The following GRM7 variants were observed in gnomAD, a reference collection of about 807,000 sequenced individuals.
The protein encoded by GRM7 is glutamate metabotropic receptor 7, also known as metabotropic glutamate receptor 7.
GRM7 carries 35 observed loss-of-function variants against 84.5 expected under a neutral mutation model. The ratio of observed to expected loss-of-function variants is 0.41; its 90% CI spans 0.32 to 0.55. The LOEUF is 0.55. Ranked by LOEUF, GRM7 falls within the 20% of genes least tolerant of loss-of-function variation. The pLI, the probability that GRM7 is intolerant of heterozygous loss-of-function variation, is 0.19. For missense variants in GRM7, 1,003 were observed against 1,194.6 expected (o/e 0.84, Z 2.36); for synonymous variants, 487 against 455.1 (o/e 1.07, Z -0.89).
chr3:7,322,761 T>C (rs1483176479), intron 4 of GRM7, among the ~76,000 whole-genome samples: 4 of 152,136 alleles, frequency 2.6e-5, no homozygotes, highest in South Asian at 4.1e-4. Flanking sequence ...CTGAGTAGTA[T>C]GCCACCTACC....
intron 2 of GRM7, among the ~76,000 whole-genome samples, chr3:7,265,476 C>T (rs1698602552): frequency 6.6e-6 from 1 of 152,150 alleles, no homozygotes; most frequent in Non-Finnish European, 1.5e-5. Context: ...ATAGGGAAAG[C>T]AATTCTGTCT....
At chr3:7,492,834 C>A (rs1246798513) in intron 7 of GRM7, among the ~76,000 whole-genome samples, 5 of 151,908 alleles carry the variant, frequency 3.3e-5, no homozygotes, top group African/African-American at 1.2e-4. Flanking sequence ...TATAAATATC[C>A]CTCTCAGCTG....
intron 2 of GRM7, among the ~76,000 whole-genome samples, chr3:7,265,973 CTG>C (rs1698621117): frequency 6.6e-6 from 1 of 152,124 alleles, no homozygotes; most frequent in Non-Finnish European, 1.5e-5. Context: ...CTCAGCAAGA[CTG>C]TGGTCAGTGC....
At chr3:7,672,458 GAATTGTGA>G (rs1699955911) in intron 8 of GRM7, among the ~76,000 whole-genome samples, 1 of 152,110 alleles carries the variant, frequency 6.6e-6, no homozygotes, top group East Asian at 1.9e-4. Flanking sequence ...GATTTCATAA[GAATTGTGA>G]AACTTCTCTG....
rs146669396 is a variant in GRM7, at chr3:7,615,780, G to C, written c.2451+36423G>C. ...CAAAATACCAGGCTTGCCTCTCTCT[G>C]ATTTTTCTTTTGGCTTGGTACCTTT... On this transcript the variant is annotated intron_variant, in intron 8 of 9. Coordinates refer to ENST00000357716, the MANE Select transcript of GRM7 (RefSeq NM_000844.4). Among the ~76,000 whole-genome samples, 21 of 152,058 alleles carry C rather than the reference G, an allele frequency of 1.4e-4. No homozygotes were observed. The East Asian group carries it at 3.9e-3, about 28-fold the overall frequency.
chr3:7,468,441 T>C (rs997444738), intron 7 of GRM7, among the ~76,000 whole-genome samples: 1 of 152,238 alleles, frequency 6.6e-6, no homozygotes, highest in Non-Finnish European at 1.5e-5. Flanking sequence ...CTTATGGTAG[T>C]ACCTATTTCA....
At chr3:6,881,037 A>G (rs1415854188) in intron 1 of GRM7, among the ~76,000 whole-genome samples, 1 of 152,172 alleles carries the variant, frequency 6.6e-6, no homozygotes, top group African/African-American at 2.4e-5. Flanking sequence ...TACCGTTTCA[A>G]TTATATGCCT....
At chr3:7,278,133 G>A (rs894093830) in intron 2 of GRM7, among the ~76,000 whole-genome samples, 19 of 151,972 alleles carry the variant, frequency 1.3e-4, no homozygotes, top group African/African-American at 4.6e-4. Context: ...ACTCTTAGCT[G>A]TGATAAGATG....
chr3:7,452,587 T>TGTG lies in GRM7; in HGVS notation c.1175-20_1175-19insGTG. On this transcript the variant is annotated intron_variant, in intron 5 of 9. Coordinates refer to ENST00000357716, the MANE Select transcript of GRM7 (RefSeq NM_000844.4). Reference sequence around the variant, plus strand: ...GTGTGTGTGTGTGTGTGTGTGTGTGTTTCTTGTTTTAATGTGCAGGACAGG... The same window carrying TGTG: ...GTGTGTGTGTGTGTGTGTGTGTGTGTGTGTTCTTGTTTTAATGTGCAGGACAGG... 6.7e-7 allele frequency: 1 copy of TGTG among 1,484,960 alleles called. No individual in the cohort carries two copies. 92.0% of individuals were successfully genotyped at this position (1,484,960 alleles called of 1,614,324 possible). A position where few individuals can be genotyped will look rare whatever the true frequency, so the allele number is the denominator to read the frequency against.
chr3:7,688,256 T>G (rs1700662182), intron 9 of GRM7, among the ~76,000 whole-genome samples: 1 of 152,032 alleles, frequency 6.6e-6, no homozygotes, highest in Non-Finnish European at 1.5e-5. Context: ...TAGAAGTAAA[T>G]TCAAACTTGT....
intron 7 of GRM7, among the ~76,000 whole-genome samples, chr3:7,480,465 A>G (rs17047422): frequency 0.061 from 9,217 of 152,302 alleles, 934 homozygotes; most frequent in African/African-American, 0.21. Flanking sequence ...GAACTGTGTT[A>G]AAGTTGACTG....
At chr3:7,713,449 A>G (rs952400740) in intron 9 of GRM7, among the ~76,000 whole-genome samples, 16 of 152,008 alleles carry the variant, frequency 1.1e-4, no homozygotes, top group Middle Eastern at 6.8e-3. Context: ...GGATTTCACT[A>G]TATCTTTTCA....
At chr3:7,184,510 G>A (rs1471879417) in intron 2 of GRM7, among the ~76,000 whole-genome samples, 6 of 151,878 alleles carry the variant, frequency 4.0e-5, no homozygotes, top group Admixed American at 3.9e-4. Flanking sequence ...TTAACATTGT[G>A]GTATATAGCT....
At chr3:7,312,313 C>G (rs1700427574) in intron 4 of GRM7, among the ~76,000 whole-genome samples, 1 of 152,092 alleles carries the variant, frequency 6.6e-6, no homozygotes, top group Non-Finnish European at 1.5e-5. Flanking sequence ...AAACATGCTA[C>G]TTGGCAGTGT....
At chr3:7,573,817 C>A (rs935015035) in intron 7 of GRM7, among the ~76,000 whole-genome samples, 8 of 152,158 alleles carry the variant, frequency 5.3e-5, no homozygotes, top group Admixed American at 1.3e-4. Flanking sequence ...CCATTTCTTT[C>A]TAGAGTTGCC....
At chr3:7,107,217 A>G (rs1310311424) in intron 1 of GRM7, among the ~76,000 whole-genome samples, 3 of 152,016 alleles carry the variant, frequency 2.0e-5, no homozygotes, top group African/African-American at 7.2e-5. Context: ...AGCAAAACAG[A>G]CACGCACGGT....
At chr3:6,992,417 C>G (rs1694674867) in intron 1 of GRM7, among the ~76,000 whole-genome samples, 1 of 152,152 alleles carries the variant, frequency 6.6e-6, no homozygotes, top group Non-Finnish European at 1.5e-5. Flanking sequence ...AAAACAAGAA[C>G]AAATTGCCTT....
At chr3:7,281,140 C>G (rs1027777730) in intron 2 of GRM7, among the ~76,000 whole-genome samples, 3 of 152,156 alleles carry the variant, frequency 2.0e-5, no homozygotes, top group Admixed American at 1.3e-4. Context: ...CTTTCTGATT[C>G]CATGCACTCG....
chr3:7,374,919 A>G (rs1356642122), intron 4 of GRM7, among the ~76,000 whole-genome samples: 2 of 152,056 alleles, frequency 1.3e-5, no homozygotes, highest in South Asian at 2.1e-4. Context: ...GGAGATTATA[A>G]TTCCTGCCCT....
Sources: allele counts gnomAD v4.1 joint callset (sites outside exome capture counted in the v4.1 genomes callset), GRCh38; gene constraint gnomAD v4.1.1; transcripts MANE v1.5; gene names NCBI Gene and HGNC (gene_info 2026-07-23, HGNC 2026-07-21).